Variants in BHMT observed in about 807,000 individuals in gnomAD.
BHMT encodes betaine--homocysteine S-methyltransferase.
Under a neutral mutation model 49.5 loss-of-function variants are expected in BHMT, and 38 were observed. The ratio of observed to expected loss-of-function variants is 0.77; its 90% CI spans 0.59 to 1.01. The LOEUF (loss-of-function observed/expected upper bound fraction) is 1.01, where lower values mean the gene tolerates loss of function less well. BHMT is among the 50% of genes least tolerant of loss of function. The probability of loss-of-function intolerance (pLI) is 0.00; values close to 1 mark genes in which losing one functional copy is unlikely to be tolerated. For synonymous variants in BHMT, 166 were observed against 176.3 expected (o/e 0.94, Z 0.46); for missense variants, 426 against 495.7 (o/e 0.86, Z 1.34).
At chr5:79,113,993 A>G (rs759826674) in intron 1 of BHMT, among the ~76,000 whole-genome samples, 8 of 151,906 alleles carry the variant, frequency 5.3e-5, no homozygotes, top group Non-Finnish European at 1.0e-4. Flanking sequence ...CCCAAATGTC[A>G]TGAATTATTT....
intron 7 of BHMT, among the ~76,000 whole-genome samples, chr5:79,129,016 T>C (rs57235510): frequency 1.3e-5 from 2 of 152,166 alleles, no homozygotes; most frequent in Admixed American, 1.3e-4. Flanking sequence ...AGAAGGGTTT[T>C]GGGGCTGGAT....
At chr5:79,119,197 C>A (rs1338646887) in intron 2 of BHMT, 62 bp from the exon 3 acceptor site, 1 of 1,272,896 alleles carries the variant, frequency 7.9e-7, no homozygotes, top group Non-Finnish European at 1.1e-6. Context: ...TATCTGAGAG[C>A]CATTTGAAAA....
chr5:79,126,477 T>C, intron 6 of BHMT, among the ~76,000 whole-genome samples: 1 of 152,132 alleles, frequency 6.6e-6, no homozygotes, highest in East Asian at 1.9e-4. Context: ...TGAATCAGCA[T>C]CTAAACAGAC....
At chr5:79,123,520 G>C (rs1335667675) in intron 5 of BHMT, among the ~76,000 whole-genome samples, 1 of 80,246 alleles carries the variant, frequency 1.2e-5, no homozygotes, top group Non-Finnish European at 2.8e-5. Context: ...GTCCTTTTTG[G>C]TTGGTTGGTT....
intron 4 of BHMT, among the ~76,000 whole-genome samples, chr5:79,120,979 C>T (rs1198116409): frequency 6.6e-6 from 1 of 151,986 alleles, no homozygotes; most frequent in African/African-American, 2.4e-5. Flanking sequence ...GGTGAAACCC[C>T]GTCTCTACTA....
At chr5:79,114,605 G>A (rs1179312175) in intron 1 of BHMT, among the ~76,000 whole-genome samples, 16 of 152,100 alleles carry the variant, frequency 1.1e-4, no homozygotes, top group African/African-American at 2.9e-4. Context: ...GGGTAAATAC[G>A]TCCCAAGTTA....
chr5:79,117,751 T>C (rs1277791806), intron 2 of BHMT, among the ~76,000 whole-genome samples: 1 of 152,228 alleles, frequency 6.6e-6, no homozygotes, highest in African/African-American at 2.4e-5. Context: ...TCCTGGACCT[T>C]TGGATTTCAT....
At chr5:79,113,240 C>T (rs1209685917) in intron 1 of BHMT, among the ~76,000 whole-genome samples, 1 of 152,184 alleles carries the variant, frequency 6.6e-6, no homozygotes, top group Non-Finnish European at 1.5e-5. Context: ...AGAATTTCGC[C>T]AGTCCCTAAA....
intron 5 of BHMT, among the ~76,000 whole-genome samples, chr5:79,123,482 A>C (rs1383231655): frequency 6.6e-6 from 1 of 152,060 alleles, no homozygotes. Context: ...AAAATACAAA[A>C]TCCTAGGCCA....
In BHMT at chr5:79,121,271, C is replaced by T. The variant is rs769369632; in HGVS notation, c.531C>T (p.Ser177=). 3 of 1,614,154 alleles carry T rather than the reference C, an allele frequency of 1.9e-6. No homozygotes were observed. The highest frequency in any genetic ancestry group is 1.1e-5 in the South Asian group (1 of 91,082). The change falls in exon 5 of 8, where the codon TCC becomes TCT. Residue 177 remains serine, a synonymous_variant. Transcript: ENST00000274353. ...AVWAVETLIA[S]GKPVAATMCI... ...GGGCAGTTGAAACCTTGATAGCATC[C>T]GGTAAACCTGTGGCAGCAACCATGT...
chr5:79,119,654 A>T, intron 3 of BHMT: 1 of 288,298 alleles, frequency 3.5e-6, no homozygotes, highest in African/African-American at 2.2e-5. Flanking sequence ...GGGCAACCTT[A>T]CAAATTCTTT....
intron 5 of BHMT, among the ~76,000 whole-genome samples, chr5:79,122,368 C>T (rs1397143700): frequency 6.6e-6 from 1 of 152,166 alleles, no homozygotes; most frequent in African/African-American, 2.4e-5. Flanking sequence ...ACATTATTTT[C>T]ATGGACCAAA....
intron 7 of BHMT, among the ~76,000 whole-genome samples, chr5:79,128,738 A>G (rs928384395): frequency 6.6e-6 from 1 of 152,100 alleles, no homozygotes; most frequent in African/African-American, 2.4e-5. Flanking sequence ...GGTGGCAAAT[A>G]AGACAGGCAA....
intron 2 of BHMT, among the ~76,000 whole-genome samples, chr5:79,118,729 T>C (rs945984763): frequency 4.6e-5 from 7 of 152,224 alleles, no homozygotes; most frequent in Non-Finnish European, 8.8e-5. Flanking sequence ...CAGGCTATTC[T>C]CTCTGGATGG....
intron 2 of BHMT, among the ~76,000 whole-genome samples, chr5:79,117,894 A>G (rs1326254934): frequency 6.6e-6 from 1 of 152,190 alleles, no homozygotes; most frequent in African/African-American, 2.4e-5. Flanking sequence ...CAGTCATTTT[A>G]TAAAAGGAGT....
chr5:79,124,834 G>A (rs1484935542), intron 5 of BHMT, among the ~76,000 whole-genome samples: 2 of 152,160 alleles, frequency 1.3e-5, no homozygotes, highest in African/African-American at 4.8e-5. Context: ...TAACCACATT[G>A]AGTAGCTGAA....
chr5:79,111,970 G>T lies in BHMT; in HGVS notation c.33+52G>T, dbSNP rs141381751. On this transcript the variant is annotated intron_variant, in intron 1 of 7. Transcript: ENST00000274353. ...CTCTCCTTCCCCTCCCACCTGCTCTGTATCCCAGCCTCTGGGAGCGCAGAG... is the reference window on the plus strand; with the variant it reads ...CTCTCCTTCCCCTCCCACCTGCTCTTTATCCCAGCCTCTGGGAGCGCAGAG... 1.3e-3 allele frequency: 2,006 copies of T among 1,513,544 alleles called. 22 individuals are homozygous for T. The African/African-American group carries it at 0.023, about 17-fold the overall frequency. The allele number at this position is 1,513,544 out of a possible 1,614,324, so 93.8% of individuals were successfully genotyped here.
intron 2 of BHMT, 43 bp downstream of exon 2, chr5:79,115,942 G>C (rs200127835): frequency 2.0e-5 from 31 of 1,558,088 alleles, no homozygotes; most frequent in Middle Eastern, 1.9e-4. Context: ...AAGGAGCCGG[G>C]TGTGGAGGCT....
rs369885790 is a variant in BHMT at position 79,115,835 on chromosome 5, G to A, written c.102G>A (p.Glu34=). The A allele has an allele frequency of 6.2e-6, 10 of 1,614,142 alleles. No homozygotes were observed. The highest frequency in any genetic ancestry group is 8.5e-6 in the Non-Finnish European group (10 of 1,179,998). The change falls in exon 2 of 8, where the codon GAG becomes GAA. Residue 34 remains glutamate, a synonymous_variant. Transcript: ENST00000274353. ...IGDGGFVFAL[E]KRGYVKAGPW... is the part of the protein sequence containing the mutation. ...ATGGAGGGTTTGTCTTTGCACTGGA[G>A]AAGAGGGGCTACGTAAAGGCAGGAC...
Sources: gnomAD v4.1 joint callset for allele counts (sites outside exome capture counted in the v4.1 genomes callset) on GRCh38, gnomAD v4.1.1 for gene constraint, MANE v1.5 for transcripts, NCBI Gene and HGNC (gene_info 2026-07-23, HGNC 2026-07-21) for gene names.